Variants in RELN observed in about 807,000 individuals in gnomAD.
RELN encodes reelin.
In RELN, 108 loss-of-function variants were observed where a neutral mutation model predicts 427.6. The observed-to-expected ratio is 0.25, with a 90% CI of 0.22 to 0.30. The LOEUF (loss-of-function observed/expected upper bound fraction) is 0.30, where lower values mean the gene tolerates loss of function less well. Ranked by LOEUF, RELN falls within the 10% of genes least tolerant of loss-of-function variation. The pLI is 1.00. For synonymous variants in RELN, 1,524 were observed against 1,513.4 expected (o/e 1.01, Z -0.16); for missense variants, 3,715 against 4,302.8 (o/e 0.86, Z 3.82).
At chr7:103,860,313 T>C (rs1794042789) in intron 2 of RELN, among the ~76,000 whole-genome samples, 1 of 152,308 alleles carries the variant, frequency 6.6e-6, no homozygotes, top group African/African-American at 2.4e-5. Flanking sequence ...TATTAAGTTT[T>C]TGTTTTAATT....
intron 2 of RELN, among the ~76,000 whole-genome samples, chr7:103,886,298 A>G (rs1794725071): frequency 6.6e-6 from 1 of 152,212 alleles, no homozygotes. Flanking sequence ...TCAAAAGGAA[A>G]TGGACAAACA....
At chr7:103,543,214 G>A (rs959803194) in intron 42 of RELN, among the ~76,000 whole-genome samples, 3 of 152,154 alleles carry the variant, frequency 2.0e-5, no homozygotes, top group African/African-American at 7.2e-5. Flanking sequence ...CAGGAAGGTG[G>A]GGGCTGTGTA....
At chr7:103,725,799 T>A (rs539327) in intron 7 of RELN, among the ~76,000 whole-genome samples, 91,876 of 151,936 alleles carry the variant, frequency 0.6, 29,086 homozygotes, top group African/African-American at 0.81. Context: ...ATGGCACAGC[T>A]GTTAAAAAGA....
chr7:103,871,758 C>T (rs1337385664), intron 2 of RELN, among the ~76,000 whole-genome samples: 1 of 152,022 alleles, frequency 6.6e-6, no homozygotes, highest in African/African-American at 2.4e-5. Context: ...AATGGAAGAG[C>T]AAAACAACAT....
chr7:103,847,936 T>A (rs1490426302), intron 2 of RELN, among the ~76,000 whole-genome samples: 2 of 151,222 alleles, frequency 1.3e-5, no homozygotes, highest in African/African-American at 4.9e-5. Flanking sequence ...ATGTTGCCGT[T>A]AGTTTCATTT....
chr7:103,636,893 G>A (rs1014579535), intron 17 of RELN, among the ~76,000 whole-genome samples: 10 of 152,148 alleles, frequency 6.6e-5, no homozygotes, highest in African/African-American at 2.2e-4. Context: ...TACATGTTAT[G>A]TTCGTGATAG....
At chr7:103,966,064 T>C (rs1004599350) in intron 1 of RELN, among the ~76,000 whole-genome samples, 1 of 152,200 alleles carries the variant, frequency 6.6e-6, no homozygotes, top group Non-Finnish European at 1.5e-5. Context: ...TACAGGCTAA[T>C]TGATAAAAAC....
chr7:103,924,038 G>A (rs749312305), intron 1 of RELN, among the ~76,000 whole-genome samples: 3 of 152,172 alleles, frequency 2.0e-5, no homozygotes, highest in Non-Finnish European at 4.4e-5. Flanking sequence ...GCATGTGAAA[G>A]GTAGCTCTAG....
At chr7:103,559,645 G>A (rs1212667051) in intron 36 of RELN, among the ~76,000 whole-genome samples, 1 of 151,968 alleles carries the variant, frequency 6.6e-6, no homozygotes, top group Non-Finnish European at 1.5e-5. Flanking sequence ...TGTAATCATA[G>A]CTCACTACAA....
At chr7:103,969,608 T>C (rs1422529682) in intron 1 of RELN, among the ~76,000 whole-genome samples, 1 of 152,212 alleles carries the variant, frequency 6.6e-6, no homozygotes, top group Non-Finnish European at 1.5e-5. Context: ...ATCACTCTTC[T>C]TAGCCATAAA....
chr7:103,661,307 C>T (rs1362131701), intron 12 of RELN, 69 bp downstream of exon 12: 3 of 1,489,238 alleles, frequency 2.0e-6, no homozygotes, highest in Middle Eastern at 1.7e-4. Flanking sequence ...AACAATCTTA[C>T]TTCCTCAGGA....
chr7:103,852,070 T>C (rs978113273), intron 2 of RELN, among the ~76,000 whole-genome samples: 1 of 152,182 alleles, frequency 6.6e-6, no homozygotes, highest in East Asian at 1.9e-4. Flanking sequence ...CACAGCAAGA[T>C]GGAACTTACC....
Position 103,630,083 on chromosome 7 carries a change from T to A in RELN, c.2559A>T (p.Val853=), listed in dbSNP as rs556992720. The A allele has an allele frequency of 6.2e-7, 1 of 1,613,310 alleles. No individual in the cohort carries two copies. Among genetic ancestry groups the A allele is most frequent in the South Asian group, 1.1e-5 (1 of 91,072 alleles). Residue 853 remains valine, a synonymous_variant, in exon 20 of 65, where the codon GTA becomes GTT. Coordinates refer to ENST00000428762, the MANE Select transcript of RELN (RefSeq NM_005045.4). ...TCATGATAATCTCATCAATAGCCCA[T>A]ACATCTTCTCTCTGGGAAGAATGAT... ...QPYHSSQRED[V]WAIDEIIMTS... is the part of the protein sequence containing the mutation.
At chr7:103,492,143 A>AT (rs1463573412) in intron 57 of RELN, 117 bp from the exon 58 acceptor site, 1 of 810,160 alleles carries the variant, frequency 1.2e-6, no homozygotes, top group East Asian at 2.7e-5. Flanking sequence ...AGAAGCTTTT[A>AT]TAGAGCAGCC....
chr7:103,478,169 T>C (rs1326518549), intron 64 of RELN, among the ~76,000 whole-genome samples: 1 of 152,208 alleles, frequency 6.6e-6, no homozygotes, highest in African/African-American at 2.4e-5. Flanking sequence ...GTGCCCTATA[T>C]TGTATATATT....
In RELN at chr7:103,809,060, C is replaced by G. The variant is rs112688809; in HGVS notation, c.473+24477G>C. ...AGTGTAAAGAACAAAAGTTTCTTCCCTAGAAAGCGTTAAGAATGGGAATGG... is the reference window on the plus strand; with the variant it reads ...AGTGTAAAGAACAAAAGTTTCTTCCGTAGAAAGCGTTAAGAATGGGAATGG... On this transcript the variant is annotated intron_variant, in intron 3 of 64. Transcript: ENST00000428762. Among the ~76,000 whole-genome samples the G allele has an allele frequency of 3.8e-3, 571 of 152,214 alleles. 7 individuals carry two copies. The highest frequency in any genetic ancestry group is 0.013 in the African/African-American group (544 of 41,542).
intron 4 of RELN, among the ~76,000 whole-genome samples, chr7:103,773,458 C>CCTCTCTCTCCCTCGCTCCCTCCCT (rs1791657103): frequency 3.3e-5 from 4 of 120,832 alleles, no homozygotes; most frequent in South Asian, 3.0e-4. Flanking sequence ...TCGCTCCCTC[C>CCTCTCTCTCCCTCGCTCCCTCCCT]CTCTCTCTCT....
chr7:103,892,216 C>A (rs1258726297), intron 2 of RELN, among the ~76,000 whole-genome samples: 2 of 152,118 alleles, frequency 1.3e-5, no homozygotes, highest in African/African-American at 4.8e-5. Context: ...ACCTTCGAAG[C>A]CTTATGGAGA....
intron 41 of RELN, among the ~76,000 whole-genome samples, chr7:103,546,914 CTTT>C (rs1830309352): frequency 6.6e-6 from 1 of 152,134 alleles, no homozygotes. Flanking sequence ...TTCTTAACTT[CTTT>C]TTAAGTCAAA....
Sources: allele counts gnomAD v4.1 joint callset (sites outside exome capture counted in the v4.1 genomes callset), GRCh38; gene constraint gnomAD v4.1.1; transcripts MANE v1.5; gene names NCBI Gene and HGNC (gene_info 2026-07-23, HGNC 2026-07-21).